The following CENPW variants were observed in gnomAD, a reference collection of about 807,000 sequenced individuals.
CENPW encodes the protein centromere protein W, also known as cancer-up-regulated gene 2 protein.
CENPW carries 3 observed loss-of-function variants against 11.1 expected under a neutral mutation model. The observed-to-expected ratio is 0.27, with a 90% CI of 0.12 to 0.70. The LOEUF (loss-of-function observed/expected upper bound fraction) is 0.70, where lower values mean the gene tolerates loss of function less well. Ranked by LOEUF, CENPW falls within the 30% of genes least tolerant of loss-of-function variation. The pLI is 0.77. For synonymous variants in CENPW, 38 were observed against 42.0 expected (o/e 0.91, Z 0.37); for missense variants, 100 against 105.6 (o/e 0.95, Z 0.23).
the CENPW span, among the ~76,000 whole-genome samples, chr6:126,446,467 C>A: frequency 6.6e-6 from 1 of 150,432 alleles, no homozygotes; most frequent in Non-Finnish European, 1.5e-5. Context: ...TCTCTGTGGG[C>A]CTCCTATTAA....
chr6:126,430,342 A>C, the CENPW span, among the ~76,000 whole-genome samples: 7 of 152,362 alleles, frequency 4.6e-5, no homozygotes, highest in East Asian at 1.2e-3. Context: ...CAACATAGAA[A>C]AGAATGATTT....
chr6:126,382,859 AT>A, the CENPW span, among the ~76,000 whole-genome samples: 1 of 152,200 alleles, frequency 6.6e-6, no homozygotes, highest in Non-Finnish European at 1.5e-5. Context: ...TGGAAAATAC[AT>A]TTCAGGTTAT....
At chr6:126,463,944 T>G in the CENPW span, among the ~76,000 whole-genome samples, 1 of 152,004 alleles carries the variant, frequency 6.6e-6, no homozygotes, top group Admixed American at 6.6e-5. Flanking sequence ...TTCTGGCCTC[T>G]TCTATGAGGC....
At chr6:126,341,395 T>C (rs796933727) in intron 1 of CENPW, among the ~76,000 whole-genome samples, 118 of 152,346 alleles carry the variant, frequency 7.7e-4, no homozygotes, top group African/African-American at 2.8e-3. Flanking sequence ...TTGGTTTTTC[T>C]ACCTCCTCTT....
chr6:126,353,815 T>C (rs1382169338), downstream of CENPW, among the ~76,000 whole-genome samples: 2 of 152,120 alleles, frequency 1.3e-5, no homozygotes, highest in Non-Finnish European at 2.9e-5. Flanking sequence ...CTATTTCTGT[T>C]GACTTGTCTT....
At chr6:126,361,399 A>T in the CENPW span, among the ~76,000 whole-genome samples, 1 of 151,928 alleles carries the variant, frequency 6.6e-6, no homozygotes, top group Non-Finnish European at 1.5e-5. Flanking sequence ...TCCTGGGTTG[A>T]TGCTTTCTTC....
At chr6:126,434,978 C>A in the CENPW span, among the ~76,000 whole-genome samples, 2 of 151,862 alleles carry the variant, frequency 1.3e-5, no homozygotes, top group Non-Finnish European at 2.9e-5. Flanking sequence ...TGTTTCAATG[C>A]CTAACCACAT....
At chr6:126,386,758 C>A in the CENPW span, among the ~76,000 whole-genome samples, 4 of 151,832 alleles carry the variant, frequency 2.6e-5, no homozygotes, top group Non-Finnish European at 5.9e-5. Flanking sequence ...GCACTAGGGG[C>A]ACAAAGATGA....
rs1297037664 is a variant in CENPW, at chr6:126,340,170, C to T, written c.-104C>T. The stretch of plus-strand genomic sequence containing the variant: ...ACTGAGGTTTTTCTGCCTGAAGAAG[C>T]GTCATACGGACCGGATTGTTTTCGC... On this transcript the variant is annotated 5_prime_UTR_variant, in exon 1 of 3. Transcript: ENST00000368328. The T allele has an allele frequency of 2.9e-6, 3 of 1,045,964 alleles. No homozygotes were observed. The East Asian group carries it at 7.1e-5, about 25-fold the overall frequency. The allele number at this position is 1,045,964 out of a possible 1,614,324, so 64.8% of individuals were successfully genotyped here.
chr6:126,456,521 A>G, the CENPW span, among the ~76,000 whole-genome samples: 345 of 151,756 alleles, frequency 2.3e-3, 3 homozygotes, highest in African/African-American at 7.7e-3. Context: ...TTGAAACTGG[A>G]CCTCTACCTT....
the CENPW span, among the ~76,000 whole-genome samples, chr6:126,476,909 G>A: frequency 6.6e-6 from 1 of 151,918 alleles, no homozygotes; most frequent in Non-Finnish European, 1.5e-5. Context: ...CACCAGATGG[G>A]TTAAAGAATG....
the CENPW span, among the ~76,000 whole-genome samples, chr6:126,478,797 T>C: frequency 6.6e-6 from 1 of 151,910 alleles, no homozygotes; most frequent in African/African-American, 2.4e-5. Flanking sequence ...TGTGAAGGAG[T>C]AGGAGAATCC....
downstream of CENPW, among the ~76,000 whole-genome samples, chr6:126,352,304 T>C (rs1780501150): frequency 6.6e-6 from 1 of 152,146 alleles, no homozygotes; most frequent in Non-Finnish European, 1.5e-5. Flanking sequence ...CTGACCCCTG[T>C]GTTAGATAAT....
At chr6:126,397,279 T>G in the CENPW span, among the ~76,000 whole-genome samples, 1 of 152,150 alleles carries the variant, frequency 6.6e-6, no homozygotes, top group African/African-American at 2.4e-5. Context: ...AAATGTTCCC[T>G]CTGTGGGCAG....
chr6:126,408,091 C>A, the CENPW span, among the ~76,000 whole-genome samples: 8 of 152,148 alleles, frequency 5.3e-5, no homozygotes, highest in African/African-American at 1.9e-4. Context: ...GGAAAGGATT[C>A]CCTATTTAGT....
chr6:126,454,417 T>C, the CENPW span, among the ~76,000 whole-genome samples: 6 of 151,204 alleles, frequency 4.0e-5, no homozygotes, highest in African/African-American at 1.2e-4. Context: ...ACTAAGAAAA[T>C]TGCTCAAAAT....
the CENPW span, among the ~76,000 whole-genome samples, chr6:126,449,800 A>T: frequency 6.6e-6 from 1 of 151,134 alleles, no homozygotes; most frequent in East Asian, 1.9e-4. Context: ...AGGGAATAGT[A>T]CAGAAATACT....
the CENPW span, among the ~76,000 whole-genome samples, chr6:126,449,915 T>G: frequency 6.6e-6 from 1 of 151,084 alleles, no homozygotes; most frequent in South Asian, 2.1e-4. Context: ...AATGATTGAA[T>G]ATTAACAATT....
the CENPW span, among the ~76,000 whole-genome samples, chr6:126,365,732 T>C: frequency 6.6e-6 from 1 of 152,196 alleles, no homozygotes; most frequent in African/African-American, 2.4e-5. Context: ...TAAAGAATAA[T>C]CTAAAGCTAC....
Sources: gnomAD v4.1 joint callset for allele counts (sites outside exome capture counted in the v4.1 genomes callset) on GRCh38, gnomAD v4.1.1 for gene constraint, MANE v1.5 for transcripts, NCBI Gene and HGNC (gene_info 2026-07-23, HGNC 2026-07-21) for gene names.